EFNA5: variants seen among roughly 807,000 people sequenced by gnomAD.
EFNA5 encodes ephrin A5.
In EFNA5, 5 loss-of-function variants were observed where a neutral mutation model predicts 22.9. The observed-to-expected ratio is 0.22, with a 90% CI of 0.11 to 0.46. The LOEUF is 0.46. Ranked by LOEUF, EFNA5 falls within the 20% of genes least tolerant of loss-of-function variation. EFNA5 has a pLI of 0.99. For synonymous variants in EFNA5, 113 were observed against 112.2 expected (o/e 1.01, Z -0.04); for missense variants, 237 against 293.3 (o/e 0.81, Z 1.40).
chr5:107,604,862 TTAGTGC>T (rs1285199683), intron 1 of EFNA5, among the ~76,000 whole-genome samples: 2 of 152,140 alleles, frequency 1.3e-5, no homozygotes, highest in Non-Finnish European at 2.9e-5. Context: ...ACTGTCTCAC[TTAGTGC>T]TTAATTGCGG....
rs533888567 is a variant in EFNA5 at position 107,486,909 on chromosome 5, C to A, written c.126-59400G>T. ...TTAGGGTCTCCTCAGTGTATTTATA[C>A]TTTAGTTTCCTTCCCCCTTTGGCTG... On this transcript the variant is annotated intron_variant, in intron 1 of 4. Coordinates refer to ENST00000333274, the MANE Select transcript of EFNA5 (RefSeq NM_001962.3). Among the ~76,000 whole-genome samples, 21 of 152,280 alleles carry A rather than the reference C, an allele frequency of 1.4e-4. No individual in the cohort carries two copies. In the South Asian group the frequency reaches 4.4e-3, roughly 32 times the overall value.
At chr5:107,439,637 A>G (rs1404430503) in intron 1 of EFNA5, among the ~76,000 whole-genome samples, 1 of 152,186 alleles carries the variant, frequency 6.6e-6, no homozygotes, top group Non-Finnish European at 1.5e-5. Flanking sequence ...TGCTGCTCTG[A>G]GCAAATGGCT....
intron 1 of EFNA5, among the ~76,000 whole-genome samples, chr5:107,442,160 T>A (rs1580454004): frequency 6.6e-6 from 1 of 150,832 alleles, no homozygotes; most frequent in East Asian, 2.0e-4. Context: ...ATGCATGACA[T>A]CAGCTTGCAA....
intron 1 of EFNA5, among the ~76,000 whole-genome samples, chr5:107,669,196 G>A (rs573198494): frequency 4.6e-5 from 7 of 152,032 alleles, no homozygotes; most frequent in East Asian, 3.9e-4. Flanking sequence ...GGGCCCGCAG[G>A]AGATAGAAAA....
In EFNA5 at chr5:107,587,827, A is replaced by G. The variant is rs147671816; in HGVS notation, c.125+82662T>C. Among the ~76,000 whole-genome samples the G allele has an allele frequency of 1.8e-3, 280 of 152,272 alleles. 1 individual carries two copies. Among genetic ancestry groups the G allele is most frequent in the African/African-American group, 6.5e-3 (271 of 41,564 alleles). ...CCACTGCGCCTGGCCTGCCACCTAT[A>G]GTTTTAATATACGATGACTGTTCCT... On this transcript the variant is annotated intron_variant, in intron 1 of 4. Coordinates refer to ENST00000333274, the MANE Select transcript of EFNA5 (RefSeq NM_001962.3).
At chr5:107,666,656 C>T (rs1751081198) in intron 1 of EFNA5, among the ~76,000 whole-genome samples, 1 of 152,084 alleles carries the variant, frequency 6.6e-6, no homozygotes, top group Non-Finnish European at 1.5e-5. Flanking sequence ...TTGAGGACGA[C>T]TGGTATTCCT....
At chr5:107,418,126 C>G (rs1307737133) in intron 2 of EFNA5, among the ~76,000 whole-genome samples, 1 of 152,172 alleles carries the variant, frequency 6.6e-6, no homozygotes, top group Non-Finnish European at 1.5e-5. Flanking sequence ...AAATGACACT[C>G]AGACATCATC....
intron 1 of EFNA5, among the ~76,000 whole-genome samples, chr5:107,436,905 C>A (rs17533434): frequency 1.2e-4 from 18 of 151,808 alleles, no homozygotes; most frequent in African/African-American, 4.1e-4. Flanking sequence ...AGGCTATTCA[C>A]AGTTTCAAAA....
At chr5:107,438,113 A>C (rs1272713956) in intron 1 of EFNA5, among the ~76,000 whole-genome samples, 2 of 152,228 alleles carry the variant, frequency 1.3e-5, no homozygotes, top group Non-Finnish European at 2.9e-5. Flanking sequence ...CCGTGCACTT[A>C]GCCAAAGCTG....
At chr5:107,520,374 T>C (rs1747569352) in intron 1 of EFNA5, among the ~76,000 whole-genome samples, 2 of 152,152 alleles carry the variant, frequency 1.3e-5, no homozygotes, top group South Asian at 4.1e-4. Context: ...AACCAGTTAC[T>C]AAGAAAATAA....
chr5:107,451,145 C>T (rs1259532678), intron 1 of EFNA5, among the ~76,000 whole-genome samples: 1 of 152,318 alleles, frequency 6.6e-6, no homozygotes, highest in African/African-American at 2.4e-5. Flanking sequence ...ATCAATAAAT[C>T]CCCTTTGATC....
chr5:107,614,102 T>C (rs1172746788), intron 1 of EFNA5, among the ~76,000 whole-genome samples: 1 of 152,160 alleles, frequency 6.6e-6, no homozygotes, highest in East Asian at 1.9e-4. Flanking sequence ...TATCACACCC[T>C]GTGTAGTTTA....
At position 107,392,728 on chromosome 5, in the gene EFNA5, G is replaced by A. The variant is rs148924033; in HGVS notation, c.419-4957C>T. Among the ~76,000 whole-genome samples, 699 of 152,276 alleles carry A rather than the reference G, an allele frequency of 4.6e-3. 3 individuals are homozygous for A. The highest frequency in any genetic ancestry group is 0.017 in the Middle Eastern group (5 of 294). The stretch of plus-strand genomic sequence containing the variant: ...TAGTTAAAGGCTTAAAGCTGACTTC[G>A]GACTGAAGGACTAAGACACTCTGGC... On this transcript the variant is annotated intron_variant, in intron 2 of 4. Transcript: ENST00000333274.
chr5:107,509,827 G>C (rs972368505), intron 1 of EFNA5, among the ~76,000 whole-genome samples: 10 of 152,298 alleles, frequency 6.6e-5, no homozygotes, highest in Non-Finnish European at 1.3e-4. Context: ...ATAAATATCT[G>C]TGTATTGAAT....
chr5:107,528,275 C>T (rs1014268093), intron 1 of EFNA5, among the ~76,000 whole-genome samples: 8 of 152,152 alleles, frequency 5.3e-5, no homozygotes, highest in Admixed American at 2.0e-4. Context: ...GAAAGAAGAC[C>T]TTTGGTCCTT....
intron 1 of EFNA5, among the ~76,000 whole-genome samples, chr5:107,610,342 C>A (rs1234998422): frequency 6.6e-6 from 1 of 152,252 alleles, no homozygotes; most frequent in Non-Finnish European, 1.5e-5. Context: ...GCAGACCCAG[C>A]CTCACGGCGC....
intron 1 of EFNA5, among the ~76,000 whole-genome samples, chr5:107,658,692 C>T (rs1243979925): frequency 6.6e-6 from 1 of 152,154 alleles, no homozygotes; most frequent in Non-Finnish European, 1.5e-5. Context: ...TAGAACCTTG[C>T]TGTGCAAACC....
intron 1 of EFNA5, among the ~76,000 whole-genome samples, chr5:107,589,056 G>A (rs1273828374): frequency 6.6e-6 from 1 of 152,168 alleles, no homozygotes; most frequent in Non-Finnish European, 1.5e-5. Context: ...TACCTGCTAT[G>A]TGGCAGTATG....
In EFNA5 at chr5:107,407,744, C is replaced by T. The variant is rs79606977; in HGVS notation, c.418+19473G>A. On this transcript the variant is annotated intron_variant, in intron 2 of 4. Transcript: ENST00000333274. ...TGCTGAACATATTCTTTAGAGTGCA[C>T]GCAAAATCAATGTGTATAATACATT... Among the ~76,000 whole-genome samples, 86 of 152,190 alleles carry T rather than the reference C, an allele frequency of 5.7e-4. No individual in the cohort carries two copies. The East Asian group carries it at 7.5e-3, about 13-fold the overall frequency.
Sources: allele counts gnomAD v4.1 joint callset (sites outside exome capture counted in the v4.1 genomes callset), GRCh38; gene constraint gnomAD v4.1.1; transcripts MANE v1.5; gene names NCBI Gene and HGNC (gene_info 2026-07-23, HGNC 2026-07-21).